The following TESMIN variants were observed in gnomAD, a reference collection of about 807,000 sequenced individuals.
The protein encoded by TESMIN is testis expressed metallothionein like protein.
In TESMIN, 34 loss-of-function variants were observed where a neutral mutation model predicts 47.4. The ratio of observed to expected loss-of-function variants is 0.72; its 90% CI spans 0.55 to 0.96. The LOEUF is 0.96. TESMIN is among the 40% of genes least tolerant of loss of function. The pLI, the probability that TESMIN is intolerant of heterozygous loss-of-function variation, is 0.00. For synonymous variants in TESMIN, 278 were observed against 258.9 expected (o/e 1.07, Z -0.71); for missense variants, 610 against 637.2 (o/e 0.96, Z 0.46).
intron 6 of TESMIN, among the ~76,000 whole-genome samples, chr11:68,721,069 C>T (rs1295127818): frequency 1.3e-5 from 2 of 151,890 alleles, no homozygotes; most frequent in African/African-American, 2.4e-5. Context: ...TCTTTTATTA[C>T]TCATCAGTAT....
chr11:68,746,534 G>C (rs1166672951), intron 3 of TESMIN, among the ~76,000 whole-genome samples: 1 of 152,128 alleles, frequency 6.6e-6, no homozygotes, highest in South Asian at 2.1e-4. Flanking sequence ...AATTGCTGGG[G>C]GAAAGGCAAT....
At position 68,750,086 on chromosome 11, in the gene TESMIN, G is replaced by A. The variant is rs1946570786; in HGVS notation, c.471+104C>T. ...CGGTGGGCTGTGTGTGGTGTCACCA[G>A]GGAAAATGCTTGTAGAGGGAAATCC... On this transcript the variant is annotated intron_variant, in intron 2 of 9. Transcript: ENST00000255087. The A allele has an allele frequency of 1.6e-5, 16 of 981,338 alleles. No individual in the cohort carries two copies. The East Asian group carries it at 4.8e-4, about 29-fold the overall frequency. 60.8% of individuals were successfully genotyped at this position (981,338 alleles called of 1,614,324 possible). A position where few individuals can be genotyped will look rare whatever the true frequency, so the allele number is the denominator to read the frequency against.
chr11:68,745,143 T>C (rs1280809091), intron 3 of TESMIN, 32 bp from the exon 4 acceptor site: 2 of 1,569,114 alleles, frequency 1.3e-6, no homozygotes, highest in Admixed American at 2.2e-5. Flanking sequence ...AGGTTTCATT[T>C]TTGAAACATA....
chr11:68,720,464 C>T (rs1306479051), intron 6 of TESMIN, among the ~76,000 whole-genome samples: 3 of 152,176 alleles, frequency 2.0e-5, no homozygotes. Flanking sequence ...GGCAATCAAC[C>T]AGCTCCTGGA....
intron 4 of TESMIN, 155 bp downstream of exon 4, chr11:68,744,835 AT>A: frequency 1.7e-6 from 1 of 580,096 alleles, no homozygotes; most frequent in Non-Finnish European, 2.8e-6. Flanking sequence ...ATAGATATAC[AT>A]TTTTATATTC....
chr11:68,736,819 A>AAGG, intron 6 of TESMIN: 3 of 974,468 alleles, frequency 3.1e-6, no homozygotes, highest in Non-Finnish European at 3.7e-6. Flanking sequence ...CGAGAAGAGG[A>AAGG]AGGAGGAGGA....
intron 4 of TESMIN, 28 bp downstream of exon 4, chr11:68,744,963 T>C (rs770307593): frequency 1.3e-6 from 2 of 1,494,254 alleles, no homozygotes; most frequent in African/African-American, 1.4e-5. Context: ...ATATATGACA[T>C]AGTTTTTTTT....
chr11:68,709,004 G>T (rs1281649463), intron 9 of TESMIN, among the ~76,000 whole-genome samples: 1 of 151,470 alleles, frequency 6.6e-6, no homozygotes, highest in African/African-American at 2.4e-5. Flanking sequence ...GCCCTCCTCG[G>T]CCTCTCAAAG....
chr11:68,707,820 G>A lies in TESMIN; in HGVS notation c.*488C>T, dbSNP rs1357619578. The A allele has an allele frequency of 2.2e-6, 1 of 456,088 alleles. No homozygotes were observed. The highest frequency in any genetic ancestry group is 2.3e-5 in the Admixed American group (1 of 42,570). 28.3% of individuals were successfully genotyped at this position (456,088 alleles called of 1,614,324 possible). A position where few individuals can be genotyped will look rare whatever the true frequency, so the allele number is the denominator to read the frequency against. ...TTCAGTAGTTCTCTAGAGATTTTAA[G>A]TGGTATCACAACAGCCCATCCGGAG... On this transcript the variant is annotated 3_prime_UTR_variant, in exon 10 of 10. Coordinates refer to ENST00000255087, the MANE Select transcript of TESMIN (RefSeq NM_004923.3).
chr11:68,738,555 C>T, intron 6 of TESMIN, 145 bp downstream of exon 6: 1 of 1,439,618 alleles, frequency 6.9e-7, no homozygotes, highest in East Asian at 2.6e-5. Flanking sequence ...CCGTTAGTGG[C>T]ATTGCTGATG....
At chr11:68,705,004 C>T (rs1468583391), downstream of TESMIN, among the ~76,000 whole-genome samples, 1 of 152,024 alleles carries the variant, frequency 6.6e-6, no homozygotes, top group Non-Finnish European at 1.5e-5. Flanking sequence ...TGCCGGGGGC[C>T]GGGGGTTGGG....
rs374616166 is a variant in TESMIN, at chr11:68,732,151, G to A, written c.917+6549C>T. Among the ~76,000 whole-genome samples the A allele has an allele frequency of 6.6e-5, 10 of 152,156 alleles. No individual in the cohort carries two copies. The East Asian group carries it at 1.2e-3, about 18-fold the overall frequency. ...AGCACTTCGTGGAGAAGGCATCTCC[G>A]TGCCCTTACAGACAGTGCTCTGTCG... On this transcript the variant is annotated intron_variant, in intron 6 of 9. Coordinates refer to ENST00000255087, the MANE Select transcript of TESMIN (RefSeq NM_004923.3).
chr11:68,719,401 C>T (rs1182665291), intron 6 of TESMIN, among the ~76,000 whole-genome samples: 2 of 152,188 alleles, frequency 1.3e-5, no homozygotes, highest in African/African-American at 4.8e-5. Flanking sequence ...GCTAATCTAA[C>T]CAAGTCTATC....
intron 5 of TESMIN, among the ~76,000 whole-genome samples, chr11:68,739,675 A>G (rs1273860587): frequency 6.6e-6 from 1 of 152,148 alleles, no homozygotes; most frequent in Non-Finnish European, 1.5e-5. Flanking sequence ...GACACTGAGA[A>G]AGCCTCCTGG....
In TESMIN at chr11:68,742,354, C is replaced by T; in HGVS notation, c.792G>A (p.Leu264=). The change falls in exon 5 of 10, where the codon TTG becomes TTA. Residue 264 remains leucine, a synonymous_variant. Coordinates refer to ENST00000255087, the MANE Select transcript of TESMIN (RefSeq NM_004923.3). The part of the protein sequence containing the change: ...KPMTALVGRF[L]PASTKLNLIT... ...TGAGATTTAATTTTGTTGATGCTGG[C>T]AAAAATCTCCCTACTAAAGCAGTCA... is the stretch of plus-strand genomic sequence containing the variant. 6.2e-7 allele frequency: 1 copy of T among 1,603,010 alleles called. No individual in the cohort carries two copies.
At chr11:68,732,532 A>T (rs1191356038) in intron 6 of TESMIN, 1 of 153,136 alleles carries the variant, frequency 6.5e-6, no homozygotes, top group Non-Finnish European at 1.5e-5. Flanking sequence ...TGTCCTCTGG[A>T]TGCCACCACC....
At chr11:68,732,236 C>T (rs1032466953) in intron 6 of TESMIN, among the ~76,000 whole-genome samples, 4 of 152,312 alleles carry the variant, frequency 2.6e-5, no homozygotes, top group Middle Eastern at 3.4e-3. Flanking sequence ...TGACCGAGTG[C>T]CCTCGTGATG....
chr11:68,747,423 T>C, intron 2 of TESMIN, 57 bp from the exon 3 acceptor site: 2 of 1,459,414 alleles, frequency 1.4e-6, no homozygotes, highest in Admixed American at 1.7e-5. Flanking sequence ...GCTCTTGCAG[T>C]TGCATAATTT....
chr11:68,705,207 C>A (rs1352935229), downstream of TESMIN, among the ~76,000 whole-genome samples: 1 of 152,256 alleles, frequency 6.6e-6, no homozygotes, highest in African/African-American at 2.4e-5. Context: ...GGCCTCCTCC[C>A]TGCTTCGTCT....
Sources: allele counts gnomAD v4.1 joint callset (sites outside exome capture counted in the v4.1 genomes callset), GRCh38; gene constraint gnomAD v4.1.1; transcripts MANE v1.5; gene names NCBI Gene and HGNC (gene_info 2026-07-23, HGNC 2026-07-21).